GTF2I: variants seen among roughly 807,000 people sequenced by gnomAD.
GTF2I encodes general transcription factor IIi, also known as general transcription factor II-I.
GTF2I carries 12 observed loss-of-function variants against 67.6 expected under a neutral mutation model. The observed-to-expected ratio is 0.18, with a 90% CI of 0.11 to 0.29. The LOEUF is 0.29. Ranked by LOEUF, GTF2I falls within the 10% of genes least tolerant of loss-of-function variation. GTF2I has a pLI of 1.00. For synonymous variants in GTF2I, 149 were observed against 197.0 expected (o/e 0.76, Z 2.04); for missense variants, 271 against 580.1 (o/e 0.47, Z 5.47).
At chr7:74,682,965 C>T (rs1787390678) in intron 1 of GTF2I, among the ~76,000 whole-genome samples, 1 of 151,470 alleles carries the variant, frequency 6.6e-6, no homozygotes, top group Non-Finnish European at 1.5e-5. Flanking sequence ...GGAAGGTAAG[C>T]CAGAAGAAAT....
chr7:74,723,112 A>G (rs1793239067), intron 12 of GTF2I, among the ~76,000 whole-genome samples: 1 of 145,106 alleles, frequency 6.9e-6, no homozygotes, highest in South Asian at 2.2e-4. Flanking sequence ...TGTATGTACC[A>G]GGTGCTAAGA....
rs782472503 is a variant in GTF2I at position 74,688,298 on chromosome 7, C to T, written c.-5-826C>T. Among the ~76,000 whole-genome samples the T allele has an allele frequency of 3.9e-5, 6 of 152,214 alleles. No individual in the cohort carries two copies. The South Asian group carries it at 6.2e-4, about 16-fold the overall frequency. ...TTTGCCATGTTGGCCAGGCTAATCT[C>T]GAACTCCCGACCTCAGGTGATCCAC... On this transcript the variant is annotated intron_variant, in intron 1 of 34. Coordinates refer to ENST00000573035, the MANE Select transcript of GTF2I (RefSeq NM_032999.4).
chr7:74,691,208 C>CA, intron 3 of GTF2I, 97 bp downstream of exon 3: 1 of 659,604 alleles, frequency 1.5e-6, no homozygotes, highest in Non-Finnish European at 2.3e-6. Flanking sequence ...TTCTTTCTTT[C>CA]TTTTTTTTTT....
intron 1 of GTF2I, among the ~76,000 whole-genome samples, chr7:74,672,521 C>T (rs1315351086): frequency 6.6e-6 from 1 of 151,914 alleles, no homozygotes; most frequent in African/African-American, 2.4e-5. Context: ...GCCTGGGCAA[C>T]AGAGTGAGAC....
In GTF2I at chr7:74,716,546, G is replaced by A. The variant is rs587699260; in HGVS notation, c.824-348G>A. ...CATTTACTCTGATCTGTTTGTGTATGTGTGTCTTTGACAGATGAGCATGGT... is the reference window on the plus strand; with the variant it reads ...CATTTACTCTGATCTGTTTGTGTATATGTGTCTTTGACAGATGAGCATGGT... On this transcript the variant is annotated intron_variant, in intron 10 of 34. Transcript: ENST00000573035. 9 of 195,150 alleles carry A rather than the reference G, an allele frequency of 4.6e-5. No individual in the cohort carries two copies. In the Admixed American group the frequency reaches 4.8e-4, roughly 10 times the overall value. The allele number at this position is 195,150 out of a possible 1,614,324, so 12.1% of individuals were successfully genotyped here.
At chr7:74,723,123 G>GTT (rs71098008) in intron 12 of GTF2I, among the ~76,000 whole-genome samples, 1,593 of 132,132 alleles carry the variant, frequency 0.012, 35 homozygotes, top group South Asian at 0.02. Flanking sequence ...GGTGCTAAGA[G>GTT]TTTTTTTTTT....
At chr7:74,726,139 A>C (rs1422883136) in intron 12 of GTF2I, among the ~76,000 whole-genome samples, 1 of 151,632 alleles carries the variant, frequency 6.6e-6, no homozygotes, top group African/African-American at 2.4e-5. Flanking sequence ...TAGTCAGCTT[A>C]AATGATGATC....
At chr7:74,724,773 T>G (rs1343173585) in intron 12 of GTF2I, among the ~76,000 whole-genome samples, 1 of 151,916 alleles carries the variant, frequency 6.6e-6, no homozygotes, top group African/African-American at 2.4e-5. Flanking sequence ...ATATAAAAAT[T>G]AGCTGGGCGT....
At chr7:74,665,509 C>T (rs1173566934) in intron 1 of GTF2I, among the ~76,000 whole-genome samples, 1 of 151,776 alleles carries the variant, frequency 6.6e-6, no homozygotes, top group Non-Finnish European at 1.5e-5. Flanking sequence ...ACCTCAGCCT[C>T]TCAAAGGCTG....
At chr7:74,698,323 C>A (rs1785458873) in intron 3 of GTF2I, among the ~76,000 whole-genome samples, 1 of 151,056 alleles carries the variant, frequency 6.6e-6, no homozygotes, top group African/African-American at 2.4e-5. Flanking sequence ...ATCTCTTGAC[C>A]TTGTCATCTG....
At chr7:74,662,812 T>C (rs1317241099) in intron 1 of GTF2I, among the ~76,000 whole-genome samples, 3 of 152,004 alleles carry the variant, frequency 2.0e-5, no homozygotes, top group African/African-American at 4.8e-5. Flanking sequence ...GCCCTGTGAT[T>C]TTTAGGTTTT....
At chr7:74,707,583 T>C (rs1554401753) in intron 8 of GTF2I, among the ~76,000 whole-genome samples, 1 of 152,248 alleles carries the variant, frequency 6.6e-6, no homozygotes, top group East Asian at 1.9e-4. Context: ...AAGTGTTGAA[T>C]TATCCTTTTT....
intron 14 of GTF2I, 105 bp downstream of exon 14, chr7:74,730,399 T>C (rs1794349038): frequency 1.1e-5 from 1 of 95,128 alleles, no homozygotes; most frequent in Admixed American, 1.2e-4. Flanking sequence ...AGCCCAGGGC[T>C]GCCAGTGAAC....
intron 3 of GTF2I, 135 bp from the exon 4 acceptor site, chr7:74,698,826 C>A: frequency 5.4e-6 from 2 of 371,656 alleles, no homozygotes. Flanking sequence ...TAGTTTTTTC[C>A]TGTTAGAATA....
intron 1 of GTF2I, among the ~76,000 whole-genome samples, chr7:74,678,473 G>A (rs922168613): frequency 6.6e-5 from 10 of 152,072 alleles, no homozygotes; most frequent in Admixed American, 1.3e-4. Context: ...TTAAGTAAAG[G>A]TGCAGTGTAG....
At chr7:74,712,560 AT>A (rs1791727237) in intron 9 of GTF2I, among the ~76,000 whole-genome samples, 1 of 149,154 alleles carries the variant, frequency 6.7e-6, no homozygotes, top group Admixed American at 6.7e-5. Context: ...ATTGTTTTAT[AT>A]ATGCCACTTC....
Position 74,706,297 on chromosome 7 carries a change from G to A in GTF2I, c.642-93G>A, listed in dbSNP as rs587768297. Reference sequence around the variant, plus strand: ...TTTGCACCCACCTTGGTCAAGGGAGGGATCTTAACACTTTGAGACCCAGAG... The same window carrying A: ...TTTGCACCCACCTTGGTCAAGGGAGAGATCTTAACACTTTGAGACCCAGAG... On this transcript the variant is annotated intron_variant, in intron 7 of 34. Coordinates refer to ENST00000573035, the MANE Select transcript of GTF2I (RefSeq NM_032999.4). 1.3e-4 allele frequency: 128 copies of A among 1,004,178 alleles called. 1 individual carries two copies. Among genetic ancestry groups the A allele is most frequent in the Middle Eastern group, 1.3e-3 (6 of 4,744 alleles). The allele number at this position is 1,004,178 out of a possible 1,614,324, so 62.2% of individuals were successfully genotyped here. A position where few individuals can be genotyped will look rare whatever the true frequency, so the allele number is the denominator to read the frequency against.
At chr7:74,673,008 G>C (rs587717098) in intron 1 of GTF2I, among the ~76,000 whole-genome samples, 1 of 151,970 alleles carries the variant, frequency 6.6e-6, no homozygotes, top group Admixed American at 6.6e-5. Flanking sequence ...CTACAGGCGC[G>C]TGCCACCACG....
At chr7:74,702,818 C>T (rs934328830) in intron 6 of GTF2I, among the ~76,000 whole-genome samples, 3 of 151,540 alleles carry the variant, frequency 2.0e-5, no homozygotes, top group Non-Finnish European at 2.9e-5. Flanking sequence ...AGTGCAGCCT[C>T]AACCTCCCAG....
Sources: gnomAD v4.1 joint callset for allele counts (sites outside exome capture counted in the v4.1 genomes callset) on GRCh38, gnomAD v4.1.1 for gene constraint, MANE v1.5 for transcripts, NCBI Gene and HGNC (gene_info 2026-07-23, HGNC 2026-07-21) for gene names.